Variants in SCN8A observed in about 807,000 individuals in gnomAD.
SCN8A encodes the protein sodium channel protein type 8 subunit alpha.
A neutral mutation model predicts 184.1 loss-of-function variants in SCN8A; 30 were observed. The observed-to-expected ratio is 0.16, with a 90% CI of 0.12 to 0.22. The LOEUF is 0.22. Among genes scored for constraint, SCN8A ranks in the 10% least tolerant of loss-of-function variants. The pLI is 1.00. For synonymous variants in SCN8A, 852 were observed against 907.0 expected, an observed-to-expected ratio of 0.94 and a Z score of 1.09; for missense variants, 1,057 against 2,498.9, an observed-to-expected ratio of 0.42 and a Z score of 12.30.
At chr12:51,794,077 C>G (rs1186115041) in intron 25 of SCN8A, among the ~76,000 whole-genome samples, 1 of 150,310 alleles carries the variant, frequency 6.7e-6, no homozygotes, top group Non-Finnish European at 1.5e-5. Context: ...ACCTAGGAGG[C>G]AGAGGCTGCA....
At chr12:51,761,845 C>T (rs1173352924) in intron 14 of SCN8A, among the ~76,000 whole-genome samples, 2 of 151,350 alleles carry the variant, frequency 1.3e-5, no homozygotes, top group African/African-American at 2.4e-5. Flanking sequence ...CGTGTAGCAA[C>T]ATGGATAGAC....
At position 51,774,229 on chromosome 12, in the gene SCN8A, G is replaced by A. The variant is rs1020998191; in HGVS notation, c.3686G>A (p.Arg1229His). ...DIYIEQRKTI[R>H]TILEYADKVF... ...TACATTGAGCAGAGAAAGACCATCCGCACCATCCTGGAATATGCTGACAAA... is the reference window on the plus strand; with the variant it reads ...TACATTGAGCAGAGAAAGACCATCCACACCATCCTGGAATATGCTGACAAA... Residue 1229 changes from arginine (R) to histidine (H), a missense_variant, in exon 20 of 27, where the codon CGC (arginine) becomes CAC (histidine). Arg to His is a conservative substitution (Grantham distance 29, BLOSUM62 0). Around this residue, in one of 19 missense-constraint regions of SCN8A, gnomAD observed 43 missense variants for 118.4 expected, o/e 0.36. Coordinates refer to ENST00000627620, the MANE Select transcript of SCN8A (RefSeq NM_001330260.2). 3 of 1,613,372 alleles carry A rather than the reference G, an allele frequency of 1.9e-6. No individual in the cohort carries two copies. Among genetic ancestry groups the A allele is most frequent in the Non-Finnish European group, 2.5e-6 (3 of 1,179,614 alleles).
intron 1 of SCN8A, among the ~76,000 whole-genome samples, chr12:51,604,134 CTT>C (rs749177564): frequency 2.2e-4 from 33 of 152,034 alleles, no homozygotes; most frequent in Admixed American, 4.6e-4. Flanking sequence ...TATAAGAACT[CTT>C]TGTCAAATTC....
At chr12:51,781,112 T>A (rs930547883) in intron 21 of SCN8A, among the ~76,000 whole-genome samples, 1 of 152,154 alleles carries the variant, frequency 6.6e-6, no homozygotes, top group African/African-American at 2.4e-5. Flanking sequence ...AGGGGAATTG[T>A]AACCCACAGA....
At chr12:51,747,107 G>C (rs1222815177) in intron 13 of SCN8A, among the ~76,000 whole-genome samples, 1 of 146,312 alleles carries the variant, frequency 6.8e-6, no homozygotes, top group Non-Finnish European at 1.5e-5. Context: ...GTGTGTGTGT[G>C]TGTGTGTGTG....
At chr12:51,748,177 A>G (rs1248255937) in intron 13 of SCN8A, among the ~76,000 whole-genome samples, 1 of 152,228 alleles carries the variant, frequency 6.6e-6, no homozygotes, top group Non-Finnish European at 1.5e-5. Flanking sequence ...AATGCTTGCT[A>G]CAGCATTAAA....
chr12:51,726,941 C>T, intron 12 of SCN8A, among the ~76,000 whole-genome samples: 1 of 152,130 alleles, frequency 6.6e-6, no homozygotes, highest in East Asian at 1.9e-4. Flanking sequence ...TGGCTAGGCT[C>T]TAAGGATACT....
rs143683249 is a variant in SCN8A, at chr12:51,637,196, G to A, written c.-54-25568G>A. 2.4e-4 allele frequency among the ~76,000 whole-genome samples: 37 copies of A among 152,278 alleles called. No homozygotes were observed. The East Asian group carries it at 6.8e-3, about 28-fold the overall frequency. ...TGTGTTCTGACTGCTCCACTGACCA[G>A]CTGTTCCCCCATCTCTCTCCCTCTC... On this transcript the variant is annotated intron_variant, in intron 1 of 26. Coordinates refer to ENST00000627620, the MANE Select transcript of SCN8A (RefSeq NM_001330260.2).
chr12:51,797,757 G>C (rs1449115017), intron 26 of SCN8A, among the ~76,000 whole-genome samples: 1 of 152,182 alleles, frequency 6.6e-6, no homozygotes, highest in African/African-American at 2.4e-5. Context: ...GTCTGGGTCA[G>C]TCACCCCAGC....
In SCN8A at chr12:51,789,166, C is replaced by T. The variant is rs540602259; in HGVS notation, c.4282-115C>T. On this transcript the variant is annotated intron_variant, in intron 23 of 26. Transcript: ENST00000627620. Reference sequence around the variant, plus strand: ...AGGCAGGCAGAAAGAATCTAGGGCTCTCCCACCCCAAGATGTTTAGCAGCT... The same window carrying T: ...AGGCAGGCAGAAAGAATCTAGGGCTTTCCCACCCCAAGATGTTTAGCAGCT... 4.2e-4 allele frequency: 473 copies of T among 1,118,838 alleles called. 2 individuals are homozygous for T. The Middle Eastern group carries it at 0.016, about 38-fold the overall frequency. 69.3% of individuals were successfully genotyped at this position (1,118,838 alleles called of 1,614,324 possible).
At chr12:51,747,089 A>ATGTGTGTGTGTGTGTGTGTGTG (rs60490453) in intron 13 of SCN8A, among the ~76,000 whole-genome samples, 3 of 81,240 alleles carry the variant, frequency 3.7e-5, no homozygotes, top group Admixed American at 3.1e-4. Flanking sequence ...CTCTGTGTGT[A>ATGTGTGTGTGTGTGTGTGTGTG]TGTGTGTGTG....
At chr12:51,677,555 C>T (rs902148056) in intron 2 of SCN8A, among the ~76,000 whole-genome samples, 11 of 152,150 alleles carry the variant, frequency 7.2e-5, no homozygotes, top group Non-Finnish European at 1.3e-4. Context: ...TGCATATGGA[C>T]GTGCTCTACC....
Position 51,645,310 on chromosome 12 carries a change from C to T in SCN8A, c.-54-17454C>T, listed in dbSNP as rs1304025875. Among the ~76,000 whole-genome samples the T allele has an allele frequency of 2.0e-5, 3 of 150,206 alleles. No homozygotes were observed. In the East Asian group the frequency reaches 6.0e-4, roughly 30 times the overall value. ...TGAGGAGCCCCTCTGCCCGGCCAGC[C>T]GCCCCGTCCAGGAGGGAGGTGGGGG... On this transcript the variant is annotated intron_variant, in intron 1 of 26. Coordinates refer to ENST00000627620, the MANE Select transcript of SCN8A (RefSeq NM_001330260.2).
chr12:51,665,836 G>A lies in SCN8A; in HGVS notation c.276+2743G>A, dbSNP rs995466982. Among the ~76,000 whole-genome samples the A allele has an allele frequency of 7.2e-5, 11 of 152,226 alleles. No homozygotes were observed. In the East Asian group the frequency reaches 1.9e-3, roughly 27 times the overall value. On this transcript the variant is annotated intron_variant, in intron 2 of 26. Transcript: ENST00000627620. ...CCCAGCACTTTGGGAGGCTGAGGTG[G>A]GTGGATCACAAGGTCAGGAGTTTGA...
chr12:51,719,933 G>A (rs1168916976), intron 11 of SCN8A, among the ~76,000 whole-genome samples: 8 of 151,826 alleles, frequency 5.3e-5, no homozygotes, highest in Admixed American at 1.3e-4. Context: ...AAAATTAGCC[G>A]GGCGTGGTAG....
Position 51,609,796 on chromosome 12 carries a change from C to G in SCN8A, c.-55+18437C>G, listed in dbSNP as rs1939677422. On this transcript the variant is annotated intron_variant, in intron 1 of 26. Transcript: ENST00000627620. ...CACATGGACACAGGAAGGGGAACATCATACACCGGGGCCTGTTGTGGGGTG... is the reference window on the plus strand; with the variant it reads ...CACATGGACACAGGAAGGGGAACATGATACACCGGGGCCTGTTGTGGGGTG... Among the ~76,000 whole-genome samples the G allele has an allele frequency of 5.6e-5, 7 of 125,058 alleles. No homozygotes were observed. In the South Asian group the frequency reaches 1.5e-3, roughly 26 times the overall value. 82.0% of individuals were successfully genotyped at this position (125,058 alleles called of 152,430 possible).
chr12:51,783,307 A>ATT (rs550982685), intron 21 of SCN8A, among the ~76,000 whole-genome samples: 1 of 149,238 alleles, frequency 6.7e-6, no homozygotes, highest in Non-Finnish European at 1.5e-5. Flanking sequence ...TCTATGGGGC[A>ATT]TTTTTTTTTT....
chr12:51,606,736 AT>A (rs1282281660), intron 1 of SCN8A, among the ~76,000 whole-genome samples: 1 of 151,688 alleles, frequency 6.6e-6, no homozygotes, highest in Non-Finnish European at 1.5e-5. Flanking sequence ...ATGTGTTTCC[AT>A]TTATTTGTGT....
chr12:51,803,860 T>A (rs1592172649), intron 26 of SCN8A, among the ~76,000 whole-genome samples: 1 of 152,256 alleles, frequency 6.6e-6, no homozygotes, highest in Admixed American at 6.5e-5. Context: ...CTCCAAGAGG[T>A]TACTTGACCC....
Sources: allele counts gnomAD v4.1 joint callset (sites outside exome capture counted in the v4.1 genomes callset), GRCh38; gene constraint gnomAD v4.1.1; regional missense constraint gnomAD v4.1.1; transcripts MANE v1.5; gene names NCBI Gene and HGNC (gene_info 2026-07-23, HGNC 2026-07-21).